DLD: variants seen among roughly 807,000 people sequenced by gnomAD.
DLD encodes dihydrolipoamide dehydrogenase, also known as dihydrolipoyl dehydrogenase, mitochondrial.
A neutral mutation model predicts 62.2 loss-of-function variants in DLD; 36 were observed. The ratio of observed to expected loss-of-function variants is 0.58; its 90% CI spans 0.44 to 0.76. The LOEUF is 0.76. Ranked by LOEUF, DLD falls within the 30% of genes least tolerant of loss-of-function variation. The pLI is 0.00. For missense variants in DLD, 541 were observed against 608.6 expected (o/e 0.89, Z 1.17); for synonymous variants, 204 against 199.6 (o/e 1.02, Z -0.19).
chr7:107,893,613 G>A (rs1381546132), intron 2 of DLD: 2 of 185,794 alleles, frequency 1.1e-5, no homozygotes. Context: ...AGGCCTTTCT[G>A]AGGAGATGAT....
intron 8 of DLD, among the ~76,000 whole-genome samples, chr7:107,908,828 T>C (rs1482997389): frequency 6.6e-6 from 1 of 152,214 alleles, no homozygotes; most frequent in Non-Finnish European, 1.5e-5. Flanking sequence ...TTGCATTTGT[T>C]TGTCTATGGC....
intron 1 of DLD, 49 bp from the exon 2 acceptor site, chr7:107,893,151 T>C (rs2031630496): frequency 6.7e-7 from 1 of 1,500,846 alleles, no homozygotes; most frequent in Non-Finnish European, 9.3e-7. Context: ...TCAGTAGTTC[T>C]ATGTTTTGAA....
intron 8 of DLD, among the ~76,000 whole-genome samples, chr7:107,911,692 T>G (rs1484549790): frequency 6.9e-6 from 1 of 144,602 alleles, no homozygotes; most frequent in African/African-American, 2.9e-5. Flanking sequence ...CACTGTGGGG[T>G]TTTTTTTTCT....
intron 2 of DLD, among the ~76,000 whole-genome samples, chr7:107,899,340 C>T (rs983725294): frequency 6.7e-6 from 1 of 148,812 alleles, no homozygotes; most frequent in Non-Finnish European, 1.5e-5. Flanking sequence ...GAGAGGAGCT[C>T]TTGAATTTTT....
chr7:107,906,106 A>G (rs763175857), intron 7 of DLD, among the ~76,000 whole-genome samples, 161 bp from the exon 8 acceptor site: 3 of 152,176 alleles, frequency 2.0e-5, no homozygotes, highest in African/African-American at 4.8e-5. Context: ...CAAAAAAACC[A>G]TGTGTACATG....
chr7:107,895,502 ATCAC>A (rs780497075), intron 2 of DLD, among the ~76,000 whole-genome samples: 3 of 152,194 alleles, frequency 2.0e-5, no homozygotes, highest in Non-Finnish European at 4.4e-5. Flanking sequence ...CAGCACTTAT[ATCAC>A]TCACATTCAC....
At chr7:107,907,800 A>G (rs1201541992) in intron 8 of DLD, among the ~76,000 whole-genome samples, 2 of 152,218 alleles carry the variant, frequency 1.3e-5, no homozygotes, top group African/African-American at 2.4e-5. Flanking sequence ...TCTTGGTCCC[A>G]TGTCCTTCTT....
intron 8 of DLD, among the ~76,000 whole-genome samples, chr7:107,913,728 C>G (rs970248614): frequency 6.6e-6 from 1 of 152,040 alleles, no homozygotes; most frequent in African/African-American, 2.4e-5. Context: ...TTGTTTCTTT[C>G]TCCTCTACAA....
At position 107,918,993 on chromosome 7, in the gene DLD, G is replaced by T; in HGVS notation, c.1375-17G>T. On this transcript the variant is annotated splice_polypyrimidine_tract_variant and intron_variant, in intron 12 of 13. Coordinates refer to ENST00000205402, the MANE Select transcript of DLD (RefSeq NM_000108.5). ...TTTTGCCTTGGAAGCAAATTTACTT[G>T]GCTTGTTATTTTAAAGGGTGCTGGA... 1 of 1,610,852 alleles carries T rather than the reference G, an allele frequency of 6.2e-7. No individual in the cohort carries two copies.
chr7:107,903,081 T>C (rs1363904019), intron 4 of DLD, among the ~76,000 whole-genome samples: 1 of 152,204 alleles, frequency 6.6e-6, no homozygotes, highest in Non-Finnish European at 1.5e-5. Flanking sequence ...ACAGTACTTA[T>C]CATTTTTGTG....
At position 107,917,336 on chromosome 7, in the gene DLD, C is replaced by T. The variant is rs2032293289; in HGVS notation, c.1110C>T (p.Gly370=). ...PMLAHKAEDE[G]IICVEGMAGG... ...TGGCTCACAAAGCAGAGGATGAAGG[C>T]ATTATCTGTGTTGAAGGAATGGCTG... The change falls in exon 11 of 14, where the codon GGC becomes GGT. Residue 370 remains glycine (G), a synonymous_variant. Transcript: ENST00000205402. 6.2e-7 allele frequency: 1 copy of T among 1,614,096 alleles called. No individual in the cohort carries two copies. Among genetic ancestry groups the T allele is most frequent in the Non-Finnish European group, 8.5e-7 (1 of 1,180,010 alleles).
Position 107,915,588 on chromosome 7 carries a change from A to T in DLD, c.767A>T (p.Glu256Val), listed in dbSNP as rs1238595936. The T allele has an allele frequency of 6.2e-7, 1 of 1,613,790 alleles. No individual in the cohort carries two copies. Among genetic ancestry groups the T allele is most frequent in the Non-Finnish European group, 8.5e-7 (1 of 1,179,832 alleles). ...GHVGGVGIDM[E>V]ISKNFQRILQ... Reference sequence around the variant, plus strand: ...GTAGGTGGAGTTGGAATTGATATGGAGATATCTAAAAACTTTCAACGCATC... The same window carrying T: ...GTAGGTGGAGTTGGAATTGATATGGTGATATCTAAAAACTTTCAACGCATC... Residue 256 changes from glutamate to valine, a missense_variant, in exon 9 of 14, where the codon GAG becomes GTG. By Grantham distance (121) the Glu-to-Val change is moderately radical. Coordinates refer to ENST00000205402, the MANE Select transcript of DLD (RefSeq NM_000108.5).
intron 2 of DLD, chr7:107,893,585 T>C (rs1371382605): frequency 9.5e-6 from 2 of 210,502 alleles, no homozygotes; most frequent in Admixed American, 5.8e-5. Context: ...GAGATAATTT[T>C]AGATACAGTG....
Position 107,902,393 on chromosome 7 carries a change from G to A in DLD, c.267G>A (p.Lys89=). ...TCLNVGCIPS[K]ALLNNSHYYH... is the part of the protein sequence containing the mutation. ...TGAATGTTGGTTGTATTCCTTCTAA[G>A]GTGAGCATGTGTTTTGTACAGCACA... Residue 89 remains lysine, a splice_region_variant and synonymous_variant, in exon 4 of 14, where the codon AAG becomes AAA. Transcript: ENST00000205402. 1.9e-6 allele frequency: 3 copies of A among 1,613,778 alleles called. No homozygotes were observed. The highest frequency in any genetic ancestry group is 2.5e-6 in the Non-Finnish European group (3 of 1,179,796).
At chr7:107,896,064 A>G (rs1208977933) in intron 2 of DLD, among the ~76,000 whole-genome samples, 2 of 152,208 alleles carry the variant, frequency 1.3e-5, no homozygotes, top group Non-Finnish European at 2.9e-5. Context: ...CTTAAACTGC[A>G]TGGTATTGGT....
At chr7:107,893,775 A>G (rs566283891) in intron 2 of DLD, among the ~76,000 whole-genome samples, 1 of 152,310 alleles carries the variant, frequency 6.6e-6, no homozygotes, top group Admixed American at 6.5e-5. Context: ...CATGCAATGT[A>G]AAGTCGGAGA....
chr7:107,902,333 C>T lies in DLD; in HGVS notation c.207C>T (p.Cys69=), dbSNP rs774625476. ...KAAQLGFKTV[C]IEKNETLGGT... The stretch of plus-strand genomic sequence containing the variant: ...GTTTTCTTTGGTTGTAGACAGTCTG[C>T]ATTGAGAAAAATGAAACACTTGGTG... Residue 69 remains cysteine (C), a synonymous_variant, in exon 4 of 14, where the codon TGC becomes TGT. Coordinates refer to ENST00000205402, the MANE Select transcript of DLD (RefSeq NM_000108.5). The T allele has an allele frequency of 6.2e-7, 1 of 1,613,452 alleles. No homozygotes were observed. The highest frequency in any genetic ancestry group is 1.7e-5 in the Admixed American group (1 of 60,010).
rs199757911 is a variant in DLD at position 107,903,139 on chromosome 7, CTG to C, written c.268-337_268-336del. On this transcript the variant is annotated intron_variant, in intron 4 of 13. Transcript: ENST00000205402. ...ATCGGCCGGGCGCGGTGGCTCACGT[CTG>C]TAATCCCAGCACTTTGGGAGGCCGA... 7.9e-4 allele frequency among the ~76,000 whole-genome samples: 120 copies of C among 152,260 alleles called. 3 individuals are homozygous for C. The East Asian group carries it at 0.023, about 29-fold the overall frequency.
intron 5 of DLD, 77 bp downstream of exon 5, chr7:107,903,624 C>T: frequency 5.1e-6 from 4 of 783,684 alleles, no homozygotes; most frequent in Non-Finnish European, 9.0e-6. Context: ...TTAAATGTGT[C>T]TAACGTACGC....
Sources: gnomAD v4.1 joint callset for allele counts (sites outside exome capture counted in the v4.1 genomes callset) on GRCh38, gnomAD v4.1.1 for gene constraint, MANE v1.5 for transcripts, NCBI Gene and HGNC (gene_info 2026-07-23, HGNC 2026-07-21) for gene names.